The following HHAT variants were observed in gnomAD, a reference collection of about 807,000 sequenced individuals.
HHAT encodes hedgehog acyltransferase, also known as protein-cysteine N-palmitoyltransferase HHAT.
Under a neutral mutation model 70.8 loss-of-function variants are expected in HHAT, and 47 were observed. The observed-to-expected ratio is 0.66, with a 90% CI of 0.53 to 0.85. The LOEUF (loss-of-function observed/expected upper bound fraction) is 0.85, where lower values mean the gene tolerates loss of function less well. HHAT is among the 40% of genes least tolerant of loss of function. HHAT has a pLI of 0.00. For synonymous variants in HHAT, 228 were observed against 247.6 expected (o/e 0.92, Z 0.74); for missense variants, 609 against 604.8 (o/e 1.01, Z -0.07).
intron 9 of HHAT, among the ~76,000 whole-genome samples, chr1:210,573,790 T>C (rs558955744): frequency 8.3e-4 from 126 of 152,234 alleles, no homozygotes; most frequent in African/African-American, 2.9e-3. Flanking sequence ...CACAGCACTT[T>C]AGAGGAGAAC....
intron 9 of HHAT, among the ~76,000 whole-genome samples, chr1:210,556,725 C>T (rs1180992177): frequency 6.6e-6 from 1 of 152,130 alleles, no homozygotes; most frequent in Non-Finnish European, 1.5e-5. Flanking sequence ...ACTGATGAGA[C>T]CAAGATGATA....
intron 6 of HHAT, among the ~76,000 whole-genome samples, chr1:210,410,518 T>G (rs951395714): frequency 8.2e-5 from 11 of 133,498 alleles, no homozygotes; most frequent in Non-Finnish European, 1.3e-4. Flanking sequence ...GTTGTTTATT[T>G]GTAAATTTTT....
At chr1:210,380,196 C>T (rs1447448073) in intron 3 of HHAT, among the ~76,000 whole-genome samples, 3 of 152,148 alleles carry the variant, frequency 2.0e-5, no homozygotes, top group Non-Finnish European at 2.9e-5. Context: ...TAGACCCTGT[C>T]GGAAAGGAGC....
At position 210,528,317 on chromosome 1, in the gene HHAT, A is replaced by G. The variant is rs548172925; in HGVS notation, c.1043+15129A>G. ...CCCTGTGGTAGAAGGAGCAGGGTGC[A>G]TCATAGGAGGAAAAAGAGAAAGAAG... On this transcript the variant is annotated intron_variant, in intron 9 of 11. Coordinates refer to ENST00000261458, the MANE Select transcript of HHAT (RefSeq NM_018194.6). 2.0e-5 allele frequency among the ~76,000 whole-genome samples: 3 copies of G among 152,310 alleles called. No homozygotes were observed. In the South Asian group the frequency reaches 6.2e-4, roughly 32 times the overall value.
At chr1:210,406,103 T>G (rs2092318543) in intron 6 of HHAT, among the ~76,000 whole-genome samples, 1 of 151,796 alleles carries the variant, frequency 6.6e-6, no homozygotes, top group Admixed American at 6.6e-5. Context: ...AGGGTGGGAG[T>G]AAAGGTAAGG....
chr1:210,490,091 A>G (rs946240966), intron 8 of HHAT, among the ~76,000 whole-genome samples: 2 of 152,238 alleles, frequency 1.3e-5, no homozygotes, highest in Non-Finnish European at 2.9e-5. Context: ...TTGTTTTTAG[A>G]TCTGTTAACC....
At chr1:210,640,388 T>C (rs553650460) in intron 11 of HHAT, among the ~76,000 whole-genome samples, 75 of 152,276 alleles carry the variant, frequency 4.9e-4, no homozygotes, top group African/African-American at 1.8e-3. Context: ...ATGAAGAGAA[T>C]TGTTTGGGGC....
At chr1:210,345,031 T>G (rs965100713) in intron 1 of HHAT, among the ~76,000 whole-genome samples, 11 of 152,330 alleles carry the variant, frequency 7.2e-5, no homozygotes, top group African/African-American at 2.6e-4. Flanking sequence ...GGCAAGAGTC[T>G]AGACCGTCTT....
intron 2 of HHAT, among the ~76,000 whole-genome samples, chr1:210,360,602 G>A (rs1409801052): frequency 1.3e-5 from 2 of 152,050 alleles, no homozygotes; most frequent in African/African-American, 4.8e-5. Context: ...GAGCTACCGC[G>A]CCTGGCCGAG....
chr1:210,361,746 TG>T (rs951573712), intron 2 of HHAT, among the ~76,000 whole-genome samples: 14 of 152,236 alleles, frequency 9.2e-5, no homozygotes, highest in Non-Finnish European at 1.3e-4. Flanking sequence ...TGTCCTTTTT[TG>T]GGGGGGAATC....
chr1:210,451,851 A>G (rs976217743), intron 7 of HHAT, among the ~76,000 whole-genome samples: 1 of 152,180 alleles, frequency 6.6e-6, no homozygotes, highest in African/African-American at 2.4e-5. Context: ...AACATGATAT[A>G]TCTTTTAAAA....
intron 10 of HHAT, among the ~76,000 whole-genome samples, chr1:210,598,680 C>T (rs1390313643): frequency 3.9e-5 from 6 of 152,172 alleles, no homozygotes; most frequent in South Asian, 2.1e-4. Flanking sequence ...TGTCACTCCC[C>T]GTGGCTGCTG....
chr1:210,443,296 T>TA (rs2093565361), intron 7 of HHAT, among the ~76,000 whole-genome samples: 1 of 151,882 alleles, frequency 6.6e-6, no homozygotes, highest in African/African-American at 2.4e-5. Flanking sequence ...CCAGCTTTGT[T>TA]CTTTTGGCTT....
Position 210,550,954 on chromosome 1 carries a change from G to A in HHAT, c.1044-36944G>A, listed in dbSNP as rs533665460. On this transcript the variant is annotated intron_variant, in intron 9 of 11. Transcript: ENST00000261458. Reference sequence around the variant, plus strand: ...AAGCTCTAGGATTACAGGTGTGAGCGACCACTCCTGGCCCAGAAGTGATGA... The same window carrying A: ...AAGCTCTAGGATTACAGGTGTGAGCAACCACTCCTGGCCCAGAAGTGATGA... Among the ~76,000 whole-genome samples the A allele has an allele frequency of 1.3e-4, 20 of 148,826 alleles. 2 individuals carry two copies. Among genetic ancestry groups the A allele is most frequent in the Admixed American group, 2.1e-4 (3 of 14,504 alleles).
intron 9 of HHAT, among the ~76,000 whole-genome samples, chr1:210,584,091 C>T (rs777572600): frequency 1.3e-5 from 2 of 150,862 alleles, no homozygotes; most frequent in Admixed American, 6.7e-5. Flanking sequence ...TACAGGTGTG[C>T]ACCACCACGC....
At chr1:210,664,547 A>C (rs1355540958) in intron 11 of HHAT, among the ~76,000 whole-genome samples, 1 of 152,232 alleles carries the variant, frequency 6.6e-6, no homozygotes, top group Non-Finnish European at 1.5e-5. Flanking sequence ...GGTCTGGTGC[A>C]TGAGGCAGTT....
At chr1:210,630,970 A>G (rs1168000194) in intron 11 of HHAT, 1 of 444,336 alleles carries the variant, frequency 2.3e-6, no homozygotes, top group South Asian at 1.6e-5. Context: ...CCTGAAGCCA[A>G]CATATCTTTG....
At chr1:210,416,484 T>G (rs779597780) in intron 6 of HHAT, among the ~76,000 whole-genome samples, 60 of 152,238 alleles carry the variant, frequency 3.9e-4, no homozygotes, top group Non-Finnish European at 7.8e-4. Flanking sequence ...TATATTTGTT[T>G]AGTGGTATAA....
At chr1:210,367,719 A>G (rs1456593274) in intron 3 of HHAT, among the ~76,000 whole-genome samples, 2 of 152,160 alleles carry the variant, frequency 1.3e-5, no homozygotes, top group African/African-American at 2.4e-5. Flanking sequence ...TACAGCCCCA[A>G]TCAAGAATGC....
Sources: allele counts gnomAD v4.1 joint callset (sites outside exome capture counted in the v4.1 genomes callset), GRCh38; gene constraint gnomAD v4.1.1; transcripts MANE v1.5; gene names NCBI Gene and HGNC (gene_info 2026-07-23, HGNC 2026-07-21).